TANGO6: variants seen among roughly 807,000 people sequenced by gnomAD.
The protein encoded by TANGO6 is transport and Golgi organization protein 6 homolog.
In TANGO6, 90 loss-of-function variants were observed where a neutral mutation model predicts 114.2. The ratio of observed to expected loss-of-function variants is 0.79; its 90% confidence interval spans 0.66 to 0.94. The LOEUF (loss-of-function observed/expected upper bound fraction) is 0.94, where lower values mean the gene tolerates loss of function less well. Among genes scored for constraint, TANGO6 ranks in the 40% least tolerant of loss-of-function variants. TANGO6 has a pLI of 0.00. For synonymous variants in TANGO6, 477 were observed against 509.8 expected (o/e 0.94, Z 0.87); for missense variants, 1,274 against 1,315.3 (o/e 0.97, Z 0.49).
intron 17 of TANGO6, among the ~76,000 whole-genome samples, chr16:69,050,590 A>C (rs942509329): frequency 6.6e-6 from 1 of 151,946 alleles, no homozygotes; most frequent in African/African-American, 2.4e-5. Context: ...CCCGGGTTCA[A>C]GCAATTCTCC....
rs781533604 is a variant in TANGO6 at position 68,863,060 on chromosome 16, A to C, written c.851A>C (p.Gln284Pro). The change falls in exon 3 of 18, where the codon CAG becomes CCG. Residue 284 changes from glutamine (Q) to proline (P), a missense_variant and splice_region_variant. Transcript: ENST00000261778. ...CTTATCCTCCAGGGAGGACCACCCC[A>C]GGTACTCAGGCCTAGGGACTCTTGG... ...ELLILQGGPP[Q>P]SCTDVKTQMR... 1.1e-5 allele frequency: 17 copies of C among 1,550,524 alleles called. No individual in the cohort carries two copies. The highest frequency in any genetic ancestry group is 2.7e-5 in the African/African-American group (2 of 73,192).
Position 68,860,427 on chromosome 16 carries a change from G to A in TANGO6, c.638G>A (p.Ser213Asn). The A allele has an allele frequency of 1.2e-6, 2 of 1,613,990 alleles. No homozygotes were observed. Among genetic ancestry groups the A allele is most frequent in the Non-Finnish European group, 1.7e-6 (2 of 1,179,900 alleles). Reference sequence around the variant, plus strand: ...GTTGCTCAGCACACATCTCTGGGGAGCTTGATCTTCTGCCACCACTTTGGG... The same window carrying A: ...GTTGCTCAGCACACATCTCTGGGGAACTTGATCTTCTGCCACCACTTTGGG... The part of the protein sequence containing the change: ...LNVAQHTSLG[S>N]LIFCHHFGDI... The change falls in exon 2 of 18, where the codon AGC becomes AAC. Residue 213 changes from serine to asparagine, a missense_variant. Physicochemically the swap from Ser to Asn is conservative, Grantham distance 46. This residue lies in a region of TANGO6 where 908 missense variants were observed against 910.2 expected (regional missense o/e 1.00). Transcript: ENST00000261778.
chr16:68,960,980 T>C (rs1963583857), intron 14 of TANGO6, among the ~76,000 whole-genome samples: 1 of 152,202 alleles, frequency 6.6e-6, no homozygotes, highest in Non-Finnish European at 1.5e-5. Flanking sequence ...TTATCCCTAA[T>C]GTTGGCAGCA....
rs780768108 is a variant in TANGO6 at position 68,867,086 on chromosome 16, C to T, written c.860C>T (p.Thr287Ile). 1.9e-6 allele frequency: 3 copies of T among 1,594,188 alleles called. No homozygotes were observed. The highest frequency in any genetic ancestry group is 1.7e-6 in the Non-Finnish European group (2 of 1,168,642). Residue 287 changes from threonine to isoleucine, a missense_variant, in exon 4 of 18, where the codon ACA becomes ATA. Coordinates refer to ENST00000261778, the MANE Select transcript of TANGO6 (RefSeq NM_024562.2). ...ILQGGPPQSC[T>I]DVKTQMRCRA... ...CCTTCTTCTTTTTCTCAGTCCTGCA[C>T]AGATGTGAAGACACAGATGAGGTGT...
At chr16:69,031,270 A>G (rs1462153394) in intron 16 of TANGO6, among the ~76,000 whole-genome samples, 1 of 151,940 alleles carries the variant, frequency 6.6e-6, no homozygotes, top group Non-Finnish European at 1.5e-5. Flanking sequence ...ACCCATCTTG[A>G]TTCATCTTGT....
rs186291316 is a variant in TANGO6 at position 69,051,107 on chromosome 16, A to G, written c.3108+10686A>G. 5.3e-5 allele frequency among the ~76,000 whole-genome samples: 8 copies of G among 151,978 alleles called. No homozygotes were observed. The East Asian group carries it at 1.5e-3, about 29-fold the overall frequency. On this transcript the variant is annotated intron_variant, in intron 17 of 17. Coordinates refer to ENST00000261778, the MANE Select transcript of TANGO6 (RefSeq NM_024562.2). ...AATTTAAAATATAATGTAATTAAAT[A>G]TTATTTAAAATAAAAATAAAATTAC...
chr16:68,900,417 C>T lies in TANGO6; in HGVS notation c.1378-17C>T. 1 of 1,607,752 alleles carries T rather than the reference C, an allele frequency of 6.2e-7. No homozygotes were observed. The highest frequency in any genetic ancestry group is 8.5e-7 in the Non-Finnish European group (1 of 1,174,556). On this transcript the variant is annotated splice_polypyrimidine_tract_variant and intron_variant, in intron 7 of 17. Transcript: ENST00000261778. Reference sequence around the variant, plus strand: ...AGGCAGTCATGGGATTATTCTTCACCATTTCCTTTTTTCTAGGTGTACGTG... The same window carrying T: ...AGGCAGTCATGGGATTATTCTTCACTATTTCCTTTTTTCTAGGTGTACGTG...
At chr16:68,953,218 G>A (rs1463328566) in intron 14 of TANGO6, among the ~76,000 whole-genome samples, 1 of 151,890 alleles carries the variant, frequency 6.6e-6, no homozygotes, top group South Asian at 2.1e-4. Context: ...TGAGTAACTG[G>A]GATTACAGGC....
Position 68,930,279 on chromosome 16 carries a change from T to G in TANGO6, c.2685T>G (p.Tyr895Ter). The G allele has an allele frequency of 6.4e-7, 1 of 1,554,508 alleles. No individual in the cohort carries two copies. The highest frequency in any genetic ancestry group is 8.7e-7 in the Non-Finnish European group (1 of 1,147,882). The change falls in exon 14 of 18, where the codon TAT (tyrosine) becomes TAG (stop). Residue 895 changes from tyrosine to a stop codon, truncating the protein, a stop_gained. Transcript: ENST00000261778. LOFTEE classifies it high-confidence loss of function. ...ENLEHEDTFVYLSAIQGVALL... is the reference protein window; with the variant it reads ...ENLEHEDTFV ...TGGAACATGAAGACACTTTTGTATA[T>G]CTATCTGCAATTCAGGGTAAGTCAG...
intron 17 of TANGO6, among the ~76,000 whole-genome samples, 158 bp downstream of exon 17, chr16:69,040,579 T>C (rs528192443): frequency 6.6e-6 from 1 of 152,230 alleles, no homozygotes; most frequent in South Asian, 2.1e-4. Context: ...ATGACCTTGT[T>C]TGTATCTTCG....
chr16:68,880,493 A>G (rs1388066761), intron 6 of TANGO6, 55 bp from the exon 7 acceptor site: 7 of 1,341,268 alleles, frequency 5.2e-6, no homozygotes, highest in African/African-American at 4.4e-5. Context: ...TAGCTTTAGT[A>G]TGTCCTATTC....
chr16:68,968,910 T>G (rs571460560), intron 14 of TANGO6, among the ~76,000 whole-genome samples: 63 of 151,926 alleles, frequency 4.1e-4, no homozygotes, highest in Non-Finnish European at 8.4e-4. Flanking sequence ...GACCTTGTGA[T>G]CCGCCCGCCT....
intron 17 of TANGO6, among the ~76,000 whole-genome samples, chr16:69,074,394 T>G (rs1449740426): frequency 6.6e-6 from 1 of 151,656 alleles, no homozygotes; most frequent in Non-Finnish European, 1.5e-5. Context: ...AAAAGCAAAT[T>G]TATTAAGAGA....
At chr16:68,908,713 G>A (rs985806370) in intron 10 of TANGO6, among the ~76,000 whole-genome samples, 2 of 152,210 alleles carry the variant, frequency 1.3e-5, no homozygotes, top group African/African-American at 4.8e-5. Context: ...GAGGAAAAGA[G>A]CTGTAGTGCT....
At chr16:69,081,978 G>A (rs570074446) in intron 17 of TANGO6, among the ~76,000 whole-genome samples, 3 of 150,882 alleles carry the variant, frequency 2.0e-5, no homozygotes, top group Non-Finnish European at 3.0e-5. Flanking sequence ...GATTATAGGC[G>A]TGTGCCACTT....
At chr16:68,978,684 G>T (rs1255569251) in intron 15 of TANGO6, among the ~76,000 whole-genome samples, 2 of 151,968 alleles carry the variant, frequency 1.3e-5, no homozygotes, top group African/African-American at 4.8e-5. Flanking sequence ...CCTAGGCCTT[G>T]CTCTCTCCCC....
chr16:69,007,683 G>T (rs962104986), intron 15 of TANGO6, among the ~76,000 whole-genome samples: 2 of 152,158 alleles, frequency 1.3e-5, no homozygotes. Context: ...TGTGTTTTCA[G>T]TTCTCTCGAG....
At chr16:68,882,618 T>A (rs1962480405) in intron 7 of TANGO6, among the ~76,000 whole-genome samples, 1 of 152,212 alleles carries the variant, frequency 6.6e-6, no homozygotes, top group Non-Finnish European at 1.5e-5. Context: ...TAAAATTGTA[T>A]TGTGATGGTT....
chr16:68,952,203 C>G (rs937782892), intron 14 of TANGO6, among the ~76,000 whole-genome samples: 3 of 152,130 alleles, frequency 2.0e-5, no homozygotes, highest in Admixed American at 6.6e-5. Flanking sequence ...CTGGAGCCAC[C>G]CTTTCTCTAG....
Sources: gnomAD v4.1 joint callset for allele counts (sites outside exome capture counted in the v4.1 genomes callset) on GRCh38, gnomAD v4.1.1 for gene constraint, gnomAD v4.1.1 regional missense constraint, MANE v1.5 for transcripts, NCBI Gene and HGNC (gene_info 2026-07-23, HGNC 2026-07-21) for gene names.